Variants in FGGY observed in about 807,000 individuals in gnomAD.
FGGY encodes the protein FGGY carbohydrate kinase domain-containing protein.
A neutral mutation model predicts 71.3 loss-of-function variants in FGGY; 72 were observed. The ratio of observed to expected loss-of-function variants is 1.01; its 90% CI spans 0.84 to 1.23. FGGY has a LOEUF of 1.23. Among genes scored for constraint, FGGY ranks in the 50% most tolerant of loss-of-function variants. The pLI, the probability that FGGY is intolerant of heterozygous loss-of-function variation, is 0.00. For synonymous variants in FGGY, 251 were observed against 250.3 expected, an observed-to-expected ratio of 1.00 and a Z score of -0.02; for missense variants, 668 against 682.3, an observed-to-expected ratio of 0.98 and a Z score of 0.23.
intron 9 of FGGY, among the ~76,000 whole-genome samples, chr1:59,614,397 C>G (rs186575474): frequency 3.7e-4 from 56 of 152,248 alleles, no homozygotes; most frequent in Non-Finnish European, 7.6e-4. Flanking sequence ...ACGACAAAAA[C>G]CACATGATTA....
intron 14 of FGGY, among the ~76,000 whole-genome samples, chr1:59,740,847 G>A (rs768279172): frequency 1.3e-5 from 2 of 152,114 alleles, no homozygotes; most frequent in Non-Finnish European, 2.9e-5. Flanking sequence ...TTAGTTAAAC[G>A]TATTTATTGA....
At chr1:59,511,905 G>A (rs2094527364) in intron 6 of FGGY, among the ~76,000 whole-genome samples, 1 of 152,218 alleles carries the variant, frequency 6.6e-6, no homozygotes, top group Non-Finnish European at 1.5e-5. Flanking sequence ...ATTAGAGAGG[G>A]TGTATGGATG....
intron 9 of FGGY, among the ~76,000 whole-genome samples, chr1:59,615,479 C>T (rs370144458): frequency 2.0e-5 from 3 of 151,992 alleles, no homozygotes; most frequent in South Asian, 4.1e-4. Context: ...TCCTTACACC[C>T]TATACAAAAA....
At chr1:59,610,971 G>A (rs1398749179) in intron 9 of FGGY, among the ~76,000 whole-genome samples, 3 of 152,252 alleles carry the variant, frequency 2.0e-5, no homozygotes, top group Non-Finnish European at 4.4e-5. Context: ...GGGTAGGGGT[G>A]CCCACCATTG....
At chr1:59,472,651 G>C (rs528069744) in intron 6 of FGGY, among the ~76,000 whole-genome samples, 3 of 151,830 alleles carry the variant, frequency 2.0e-5, no homozygotes, top group Non-Finnish European at 4.4e-5. Context: ...CACACCAATC[G>C]GCACCCTGTG....
chr1:59,749,774 C>T (rs148337412), intron 14 of FGGY, among the ~76,000 whole-genome samples: 1,550 of 152,190 alleles, frequency 0.01, 9 homozygotes, highest in Non-Finnish European at 0.016. Flanking sequence ...TCATAGCAGT[C>T]CTATGAAAGG....
intron 14 of FGGY, among the ~76,000 whole-genome samples, chr1:59,685,745 G>T (rs2097538850): frequency 1.3e-5 from 2 of 152,104 alleles, no homozygotes; most frequent in African/African-American, 4.8e-5. Flanking sequence ...TCTCTGATCT[G>T]GACTAGGCAG....
At position 59,640,435 on chromosome 1, in the gene FGGY, T is replaced by C. The variant is rs997097250; in HGVS notation, c.1221+2060T>C. ...CAGCAAATATTAATTGGGTTCCTAT[T>C]GTATGCCAGGCACTGCCGTAGATAT... On this transcript the variant is annotated intron_variant, in intron 11 of 15. Transcript: ENST00000303721. Among the ~76,000 whole-genome samples, 10 of 152,086 alleles carry C rather than the reference T, an allele frequency of 6.6e-5. 1 individual carries two copies. The highest frequency in any genetic ancestry group is 1.0e-4 in the Non-Finnish European group (7 of 67,946).
chr1:59,607,972 G>T (rs2096639706), intron 9 of FGGY, 62 bp downstream of exon 9: 4 of 1,385,366 alleles, frequency 2.9e-6, no homozygotes, highest in African/African-American at 1.4e-5. Flanking sequence ...AGTCCATTTT[G>T]TCACATGACC....
At chr1:59,430,124 A>G (rs2067078994) in intron 5 of FGGY, among the ~76,000 whole-genome samples, 1 of 152,232 alleles carries the variant, frequency 6.6e-6, no homozygotes, top group South Asian at 2.1e-4. Flanking sequence ...TTGCATGTGA[A>G]GAGCTAATTT....
chr1:59,739,332 A>G (rs2098129271), intron 14 of FGGY, among the ~76,000 whole-genome samples: 1 of 152,210 alleles, frequency 6.6e-6, no homozygotes, highest in South Asian at 2.1e-4. Context: ...TGGCTTCTGC[A>G]AATAAACTAG....
intron 5 of FGGY, among the ~76,000 whole-genome samples, chr1:59,446,881 C>T (rs1317167138): frequency 1.3e-5 from 2 of 152,156 alleles, no homozygotes; most frequent in African/African-American, 4.8e-5. Flanking sequence ...AATAATGCAG[C>T]AGTGCCGGCT....
chr1:59,666,455 T>C (rs947592630), intron 12 of FGGY, among the ~76,000 whole-genome samples: 2 of 152,188 alleles, frequency 1.3e-5, no homozygotes, highest in African/African-American at 4.8e-5. Flanking sequence ...TCAAGTAAAT[T>C]AAGATTTTTC....
chr1:59,351,084 A>T (rs2053190275), intron 4 of FGGY, among the ~76,000 whole-genome samples: 1 of 152,242 alleles, frequency 6.6e-6, no homozygotes, highest in Non-Finnish European at 1.5e-5. Context: ...GTGACTTATG[A>T]AAATAATATG....
chr1:59,712,077 T>A (rs529965368), intron 14 of FGGY, among the ~76,000 whole-genome samples: 22 of 152,228 alleles, frequency 1.4e-4, no homozygotes, highest in African/African-American at 5.3e-4. Context: ...CTAGATACAA[T>A]GGGGATACAG....
intron 11 of FGGY, among the ~76,000 whole-genome samples, chr1:59,653,265 C>G (rs2097183619): frequency 6.6e-6 from 1 of 152,232 alleles, no homozygotes; most frequent in Admixed American, 6.5e-5. Flanking sequence ...CCTCCTTGAG[C>G]TGTGGTGGAC....
chr1:59,586,262 G>A (rs1273854080), intron 8 of FGGY, among the ~76,000 whole-genome samples: 1 of 152,140 alleles, frequency 6.6e-6, no homozygotes, highest in Admixed American at 6.5e-5. Flanking sequence ...AACCAAGCCA[G>A]ATATCCAACA....
At chr1:59,383,171 A>G (rs889249823) in intron 5 of FGGY, among the ~76,000 whole-genome samples, 5 of 152,206 alleles carry the variant, frequency 3.3e-5, no homozygotes, top group Admixed American at 3.3e-4. Context: ...TAGTTGGAGT[A>G]TAGGAATTAC....
At chr1:59,717,412 G>A (rs1375961349) in intron 14 of FGGY, among the ~76,000 whole-genome samples, 1 of 152,096 alleles carries the variant, frequency 6.6e-6, no homozygotes, top group African/African-American at 2.4e-5. Flanking sequence ...CCCACCACAG[G>A]CAATGGGCAG....
Sources: allele counts gnomAD v4.1 joint callset (sites outside exome capture counted in the v4.1 genomes callset), GRCh38; gene constraint gnomAD v4.1.1; transcripts MANE v1.5; gene names NCBI Gene and HGNC (gene_info 2026-07-23, HGNC 2026-07-21).